TBXA2R: variants seen among roughly 807,000 people sequenced by gnomAD.
The protein encoded by TBXA2R is prostanoid TP receptor.
Under a neutral mutation model 15.6 loss-of-function variants are expected in TBXA2R, and 15 were observed. That is an observed-to-expected ratio of 0.96 (90% CI 0.64 to 1.48). The LOEUF (loss-of-function observed/expected upper bound fraction) is 1.48. TBXA2R is among the 40% of genes most tolerant of loss of function. The pLI is 0.00. For synonymous variants in TBXA2R, 280 were observed against 241.2 expected (o/e 1.16, Z -1.49); for missense variants, 506 against 491.4 (o/e 1.03, Z -0.28).
At chr19:3,603,004 C>G (rs1488955507) in intron 1 of TBXA2R, among the ~76,000 whole-genome samples, 2 of 151,424 alleles carry the variant, frequency 1.3e-5, no homozygotes, top group Non-Finnish European at 2.9e-5. Flanking sequence ...CCACTGCCCT[C>G]CAGCCTGGGC....
Position 3,595,079 on chromosome 19 carries a change from A to G in TBXA2R, c.*609T>C, listed in dbSNP as rs200360639. The G allele has an allele frequency of 2.9e-5, 3 of 103,710 alleles. No homozygotes were observed. Among genetic ancestry groups the G allele is most frequent in the Non-Finnish European group, 4.5e-5 (3 of 66,888 alleles). 6.4% of individuals were successfully genotyped at this position (103,710 alleles called of 1,614,324 possible). ...TGGGCCACAGAGTGAGACTCCGTCT[A>G]AAAAAAAAAAAAAAAATGGCCAGGT... On this transcript the variant is annotated 3_prime_UTR_variant, in exon 3 of 3. Coordinates refer to ENST00000375190, the MANE Select transcript of TBXA2R (RefSeq NM_001060.6).
In TBXA2R at chr19:3,595,865, G is replaced by A. The variant is rs767111079; in HGVS notation, c.855C>T (p.Thr285=). ...AGTAGATGAGCAGCTCCTTCTCCGT[G>A]GTGCGGGACAGCTGCCCGGCGGGGC... ...AMSPAGQLSR[T]TEKELLIYLR... Residue 285 remains threonine (T), a synonymous_variant, in exon 3 of 3, where the codon ACC becomes ACT. Coordinates refer to ENST00000375190, the MANE Select transcript of TBXA2R (RefSeq NM_001060.6). 2 of 1,610,242 alleles carry A rather than the reference G, an allele frequency of 1.2e-6. No individual in the cohort carries two copies. The highest frequency in any genetic ancestry group is 2.2e-5 in the East Asian group (1 of 44,790).
Position 3,595,908 on chromosome 19 carries a change from C to T in TBXA2R, c.812G>A (p.Arg271Gln), listed in dbSNP as rs2032594894. The change falls in exon 3 of 3, where the codon CGA becomes CAA. Residue 271 changes from arginine to glutamine, a missense_variant. Arg to Gln is a conservative substitution (Grantham distance 43). Coordinates refer to ENST00000375190, the MANE Select transcript of TBXA2R (RefSeq NM_001060.6). ...LLVFIAQTVLRNPPAMSPAGQ... is the reference protein window; with the variant it reads ...LLVFIAQTVLQNPPAMSPAGQ... ...GGCGGGGCTCATGGCAGGCGGGTTT[C>T]GCAGCACTGTCTGGGCGATGAAGAC... The T allele has an allele frequency of 3.7e-6, 6 of 1,600,316 alleles. No homozygotes were observed. Among genetic ancestry groups the T allele is most frequent in the Admixed American group, 3.4e-5 (2 of 58,008 alleles).
chr19:3,600,587 G>A lies in TBXA2R; in HGVS notation c.48C>T (p.Asn16=). The A allele has an allele frequency of 1.2e-6, 2 of 1,612,644 alleles. No homozygotes were observed. The highest frequency in any genetic ancestry group is 1.7e-5 in the Admixed American group (1 of 60,012). Residue 16 remains asparagine, a synonymous_variant, in exon 2 of 3, where the codon AAC becomes AAT. Transcript: ENST00000375190. Reference sequence around the variant, plus strand: ...TCAGCCGTCTCTCCTCCAGGGTAATGTTTGTGGGCCGGAAACAGGGCCCCA... The same window carrying A: ...TCAGCCGTCTCTCCTCCAGGGTAATATTTGTGGGCCGGAAACAGGGCCCCA... ...SSLGPCFRPT[N]ITLEERRLIA...
In TBXA2R at chr19:3,594,856, C is replaced by A; in HGVS notation, c.*832G>T. ...CACATTCAATCCTTTCTGGACAGAG[C>A]CTTCCCTGTTGGAGGTTCAAAAGGA... On this transcript the variant is annotated 3_prime_UTR_variant, in exon 3 of 3. Coordinates refer to ENST00000375190, the MANE Select transcript of TBXA2R (RefSeq NM_001060.6). 1 of 1,536,872 alleles carries A rather than the reference C, an allele frequency of 6.5e-7. No individual in the cohort carries two copies. Among genetic ancestry groups the A allele is most frequent in the Non-Finnish European group, 8.7e-7 (1 of 1,146,788 alleles).
chr19:3,602,395 G>A (rs1041579132), intron 1 of TBXA2R, among the ~76,000 whole-genome samples: 8 of 151,950 alleles, frequency 5.3e-5, no homozygotes, highest in African/African-American at 1.7e-4. Flanking sequence ...AAAGGTGGGC[G>A]AATGGGACTG....
intron 2 of TBXA2R, among the ~76,000 whole-genome samples, chr19:3,597,257 A>C (rs1348144037): frequency 2.0e-5 from 3 of 151,406 alleles, no homozygotes; most frequent in African/African-American, 7.3e-5. Flanking sequence ...TTTTTAAACT[A>C]TATTTAAAAA....
At chr19:3,598,453 C>A (rs2032646306) in intron 2 of TBXA2R, among the ~76,000 whole-genome samples, 1 of 146,268 alleles carries the variant, frequency 6.8e-6, no homozygotes, top group African/African-American at 2.6e-5. Context: ...TGGGCTCAAG[C>A]AATTCTCATG....
chr19:3,600,624 T>C lies in TBXA2R; in HGVS notation c.11A>G (p.Asn4Ser), dbSNP rs201218401. 1.9e-6 allele frequency: 3 copies of C among 1,612,424 alleles called. No homozygotes were observed. In the African/African-American group the frequency reaches 4.0e-5, roughly 22 times the overall value. ...GAAACAGGGCCCCAGGGAACTGCCG[T>C]TGGGCCACATGGCTCCGGAGCCCTG... MWP[N>S]GSSLGPCFRP... Residue 4 changes from asparagine (N) to serine (S), a missense_variant, in exon 2 of 3, where the codon AAC becomes AGC. Physicochemically the swap from Asn to Ser is conservative, Grantham distance 46. Coordinates refer to ENST00000375190, the MANE Select transcript of TBXA2R (RefSeq NM_001060.6).
chr19:3,596,541 A>T (rs2032607681), intron 2 of TBXA2R, among the ~76,000 whole-genome samples: 1 of 152,178 alleles, frequency 6.6e-6, no homozygotes. Context: ...CCTCATGTCT[A>T]CAAAAAGTTA....
In TBXA2R at chr19:3,594,953, G is replaced by A. The variant is rs1157749427; in HGVS notation, c.*735C>T. 10 of 1,535,472 alleles carry A rather than the reference G, an allele frequency of 6.5e-6. No individual in the cohort carries two copies. The East Asian group carries it at 1.5e-4, about 23-fold the overall frequency. ...TGCAAGGCCGGGCGCAGTGGCTTACGCCTGTAATCCCAGCTGCTCGGGAGG... is the reference window on the plus strand; with the variant it reads ...TGCAAGGCCGGGCGCAGTGGCTTACACCTGTAATCCCAGCTGCTCGGGAGG... On this transcript the variant is annotated 3_prime_UTR_variant, in exon 3 of 3. Coordinates refer to ENST00000375190, the MANE Select transcript of TBXA2R (RefSeq NM_001060.6).
chr19:3,603,561 C>T (rs1270257014), intron 1 of TBXA2R, among the ~76,000 whole-genome samples: 1 of 152,176 alleles, frequency 6.6e-6, no homozygotes, highest in African/African-American at 2.4e-5. Flanking sequence ...CTCGGCTGTC[C>T]CTGCGGCCAC....
rs1302962376 is a variant in TBXA2R, at chr19:3,595,741, G to A, written c.979C>T (p.Pro327Ser). Residue 327 changes from proline to serine, a missense_variant, in exon 3 of 3, where the codon CCC becomes TCC. Pro to Ser is a moderately conservative substitution (Grantham distance 74). Transcript: ENST00000375190. ...RRLQPRLSTR[P>S]RSLSLQPQLT... Reference sequence around the variant, plus strand: ...TGGGGCTGGAGGGACAGCGACCTGGGCCGGGTGCTGAGGCGAGGCTGGAGA... The same window carrying A: ...TGGGGCTGGAGGGACAGCGACCTGGACCGGGTGCTGAGGCGAGGCTGGAGA... 6.2e-7 allele frequency: 1 copy of A among 1,604,224 alleles called. No homozygotes were observed. Among genetic ancestry groups the A allele is most frequent in the Admixed American group, 1.7e-5 (1 of 58,352 alleles).
At chr19:3,602,158 T>C (rs1291682122) in intron 1 of TBXA2R, among the ~76,000 whole-genome samples, 1 of 151,516 alleles carries the variant, frequency 6.6e-6, no homozygotes, top group Non-Finnish European at 1.5e-5. Context: ...GAGGAGGAGC[T>C]TGCAGTGAGC....
intron 1 of TBXA2R, among the ~76,000 whole-genome samples, chr19:3,602,760 C>CAAAAAA: frequency 9.4e-6 from 1 of 105,978 alleles, no homozygotes; most frequent in East Asian, 3.8e-4. Flanking sequence ...AACTCCGTCT[C>CAAAAAA]AAAAAAAAAA....
intron 1 of TBXA2R, among the ~76,000 whole-genome samples, chr19:3,604,725 GGT>G (rs1030642366): frequency 4.3e-4 from 65 of 152,254 alleles, no homozygotes; most frequent in African/African-American, 1.5e-3. Context: ...CATGCCTGCG[GGT>G]GCTAAGCTCA....
At position 3,600,216 on chromosome 19, in the gene TBXA2R, C is replaced by G; in HGVS notation, c.419G>C (p.Arg140Pro). The G allele has an allele frequency of 6.2e-7, 1 of 1,606,340 alleles. No homozygotes were observed. ...RYLGITRPFSRPAVASQRRAW... is the reference protein window; with the variant it reads ...RYLGITRPFSPPAVASQRRAW... ...GCGGCGCTGCGAGGCGACCGCCGGG[C>G]GCGAGAAGGGCCGGGTGATACCCAG... Residue 140 changes from arginine to proline, a missense_variant, in exon 2 of 3, where the codon CGC becomes CCC. By Grantham distance (103) the Arg-to-Pro change is moderately radical. Coordinates refer to ENST00000375190, the MANE Select transcript of TBXA2R (RefSeq NM_001060.6).
intron 1 of TBXA2R, among the ~76,000 whole-genome samples, chr19:3,603,221 A>G (rs1265571731): frequency 6.6e-6 from 1 of 152,132 alleles, no homozygotes; most frequent in East Asian, 1.9e-4. Context: ...TCCCCATCTC[A>G]CTTGTGACGC....
Position 3,594,994 on chromosome 19 carries a change from C to A in TBXA2R, c.*694G>T, listed in dbSNP as rs756949674. 1.3e-6 allele frequency: 2 copies of A among 1,503,192 alleles called. No homozygotes were observed. Among genetic ancestry groups the A allele is most frequent in the East Asian group, 2.5e-5 (1 of 40,020 alleles). 93.1% of individuals were successfully genotyped at this position (1,503,192 alleles called of 1,614,324 possible). ...GCTCGGGAGGCTGAGGCACGAGAATCGCTTGAACCCGGGAGGCGGAGGTTG... is the reference window on the plus strand; with the variant it reads ...GCTCGGGAGGCTGAGGCACGAGAATAGCTTGAACCCGGGAGGCGGAGGTTG... On this transcript the variant is annotated 3_prime_UTR_variant, in exon 3 of 3. Transcript: ENST00000375190.
Sources: allele counts gnomAD v4.1 joint callset (sites outside exome capture counted in the v4.1 genomes callset), GRCh38; gene constraint gnomAD v4.1.1; transcripts MANE v1.5; gene names NCBI Gene and HGNC (gene_info 2026-07-23, HGNC 2026-07-21).